OMA1: variants seen among roughly 807,000 people sequenced by gnomAD.
OMA1 encodes metalloendopeptidase OMA1, mitochondrial.
In OMA1, 38 loss-of-function variants were observed where a neutral mutation model predicts 30.9. That is an observed-to-expected ratio of 1.23 (90% confidence interval 0.95 to 1.61). The LOEUF is 1.61. OMA1 is among the 40% of genes most tolerant of loss of function. The probability of loss-of-function intolerance (pLI) is 0.00; values close to 1 mark genes in which losing one functional copy is unlikely to be tolerated. For synonymous variants in OMA1, 173 were observed against 121.9 expected (o/e 1.42, Z -2.76); for missense variants, 461 against 349.2 (o/e 1.32, Z -2.55).
chr1:58,508,323 A>G (rs1250370139), intron 7 of OMA1, among the ~76,000 whole-genome samples: 2 of 152,206 alleles, frequency 1.3e-5, no homozygotes, highest in Admixed American at 6.5e-5. Flanking sequence ...AAAATAAGTA[A>G]CAGGTTGACA....
chr1:58,515,742 A>C (rs1401896851), intron 7 of OMA1, among the ~76,000 whole-genome samples: 1 of 152,198 alleles, frequency 6.6e-6, no homozygotes, highest in Non-Finnish European at 1.5e-5. Flanking sequence ...CAGAATACTA[A>C]CCTGAAAAAT....
intron 7 of OMA1, among the ~76,000 whole-genome samples, chr1:58,508,203 T>TA (rs1266244287): frequency 2.0e-5 from 3 of 152,174 alleles, no homozygotes. Context: ...AATGTTAAGA[T>TA]AAGAGTGTTG....
chr1:58,527,071 T>C (rs903880247), intron 7 of OMA1, among the ~76,000 whole-genome samples, 190 bp downstream of exon 7: 1 of 152,134 alleles, frequency 6.6e-6, no homozygotes, highest in Non-Finnish European at 1.5e-5. Context: ...TAGAAGGGAA[T>C]TGAGACTCTT....
At chr1:58,510,821 A>C (rs376676844) in intron 7 of OMA1, among the ~76,000 whole-genome samples, 13 of 152,304 alleles carry the variant, frequency 8.5e-5, no homozygotes, top group African/African-American at 3.1e-4. Context: ...TATGTTCTAC[A>C]CACTAACAAC....
chr1:58,520,499 G>T (rs1172915392), intron 7 of OMA1, among the ~76,000 whole-genome samples: 1 of 152,038 alleles, frequency 6.6e-6, no homozygotes, highest in African/African-American at 2.4e-5. Flanking sequence ...TTACAAATAA[G>T]AAATGCAAAT....
At chr1:58,532,170 A>C (rs984096236) in intron 5 of OMA1, among the ~76,000 whole-genome samples, 1 of 152,170 alleles carries the variant, frequency 6.6e-6, no homozygotes, top group Admixed American at 6.5e-5. Flanking sequence ...AGAAAACATA[A>C]ACGCCTAGAT....
At position 58,534,006 on chromosome 1, in the gene OMA1, G is replaced by C. The variant is rs775636632; in HGVS notation, c.958C>G (p.Gln320Glu). ...GFLNSVTDIH[Q>E]LSFLLGHEIA... ...TCATGGCCCAGAAGGAAAGAAAGTT[G>C]ATGAATATCGGTTACACTATTTAAA... Residue 320 changes from glutamine to glutamate, a missense_variant, in exon 5 of 9, where the codon CAA becomes GAA. Physicochemically the swap from Gln to Glu is conservative, Grantham distance 29. Coordinates refer to ENST00000371226, the MANE Select transcript of OMA1 (RefSeq NM_145243.5). 1.6e-5 allele frequency: 14 copies of C among 871,552 alleles called. No individual in the cohort carries two copies. Among genetic ancestry groups the C allele is most frequent in the Admixed American group, 3.4e-5 (2 of 58,910 alleles). The allele number at this position is 871,552 out of a possible 1,614,324, so 54.0% of individuals were successfully genotyped here.
intron 1 of OMA1, among the ~76,000 whole-genome samples, chr1:58,540,810 A>G (rs1569983083): frequency 6.9e-6 from 1 of 145,540 alleles, no homozygotes; most frequent in Middle Eastern, 3.6e-3. Context: ...GAGGAGGTGT[A>G]GACAGAAAAA....
rs542995801 is a variant in OMA1, at chr1:58,491,087, G to A, written c.1366-9913C>T. On this transcript the variant is annotated intron_variant, in intron 8 of 8. Coordinates refer to ENST00000371226, the MANE Select transcript of OMA1 (RefSeq NM_145243.5). ...CTCCCAAAGTGCTGAGATTACAGGCGTGAACCACTGCACCCGGCCCTTCAA... is the reference window on the plus strand; with the variant it reads ...CTCCCAAAGTGCTGAGATTACAGGCATGAACCACTGCACCCGGCCCTTCAA... Among the ~76,000 whole-genome samples, 19 of 152,068 alleles carry A rather than the reference G, an allele frequency of 1.2e-4. No homozygotes were observed. In the South Asian group the frequency reaches 2.7e-3, roughly 22 times the overall value.
chr1:58,485,496 C>A (rs1382064658), intron 8 of OMA1, among the ~76,000 whole-genome samples: 1 of 151,914 alleles, frequency 6.6e-6, no homozygotes. Context: ...TTTCTCCTCC[C>A]CAAATATCTA....
chr1:58,493,822 G>C lies in OMA1; in HGVS notation c.1365+12238C>G, dbSNP rs552863157. On this transcript the variant is annotated intron_variant, in intron 8 of 8. Transcript: ENST00000371226. ...GCTCATGGGTAGGAAGAATCAATAT[G>C]GTGAAAATGGCCATACTGCCCAAGG... Among the ~76,000 whole-genome samples, 160 of 151,462 alleles carry C rather than the reference G, an allele frequency of 1.1e-3. 1 individual carries two copies. The South Asian group carries it at 0.014, about 13-fold the overall frequency.
chr1:58,531,404 A>G (rs1646432021), intron 5 of OMA1, among the ~76,000 whole-genome samples: 1 of 152,198 alleles, frequency 6.6e-6, no homozygotes. Flanking sequence ...GTATTTACTT[A>G]TATCAGTTAC....
intron 7 of OMA1, among the ~76,000 whole-genome samples, chr1:58,510,800 CA>C (rs1189739492): frequency 6.6e-6 from 1 of 151,800 alleles, no homozygotes; most frequent in Non-Finnish European, 1.5e-5. Context: ...AATCAGCATA[CA>C]AAAGTCAGTT....
chr1:58,511,793 G>C (rs759470937), intron 7 of OMA1, among the ~76,000 whole-genome samples: 1 of 152,076 alleles, frequency 6.6e-6, no homozygotes, highest in Non-Finnish European at 1.5e-5. Flanking sequence ...AGATTTAAAC[G>C]TAAGACCTAA....
chr1:58,492,318 A>G lies in OMA1; in HGVS notation c.1366-11144T>C, dbSNP rs1361148607. Among the ~76,000 whole-genome samples, 5 of 152,232 alleles carry G rather than the reference A, an allele frequency of 3.3e-5. No individual in the cohort carries two copies. In the East Asian group the frequency reaches 9.6e-4, roughly 29 times the overall value. ...ATGCTCACAAAAGAAAGCAGGAAAG[A>G]TCTAAAATTGACACCCTAACATCAC... is the stretch of plus-strand genomic sequence containing the variant. On this transcript the variant is annotated intron_variant, in intron 8 of 8. Transcript: ENST00000371226.
At chr1:58,527,427 G>C in intron 6 of OMA1, 92 bp from the exon 7 acceptor site, 3 of 705,670 alleles carry the variant, frequency 4.3e-6, no homozygotes, top group Non-Finnish European at 7.7e-6. Context: ...CAGTTTCATG[G>C]AGTATCTAGG....
chr1:58,513,320 A>G (rs902527887), intron 7 of OMA1, among the ~76,000 whole-genome samples: 2 of 152,170 alleles, frequency 1.3e-5, no homozygotes, highest in Non-Finnish European at 2.9e-5. Context: ...AGCCATGGAG[A>G]ACTGTGAGTC....
At chr1:58,543,854 A>T (rs932307563) in intron 1 of OMA1, among the ~76,000 whole-genome samples, 1 of 152,240 alleles carries the variant, frequency 6.6e-6, no homozygotes, top group Non-Finnish European at 1.5e-5. Context: ...AATGATAAAA[A>T]TGTTCATGTC....
chr1:58,533,128 T>TA (rs1301239667), intron 5 of OMA1, among the ~76,000 whole-genome samples: 1 of 152,224 alleles, frequency 6.6e-6, no homozygotes, highest in African/African-American at 2.4e-5. Context: ...AATAACAATT[T>TA]AAAAAATGTG....
Sources: allele counts gnomAD v4.1 joint callset (sites outside exome capture counted in the v4.1 genomes callset), GRCh38; gene constraint gnomAD v4.1.1; transcripts MANE v1.5; gene names NCBI Gene and HGNC (gene_info 2026-07-23, HGNC 2026-07-21).